GPR75: variants seen among roughly 807,000 people sequenced by gnomAD.
GPR75 encodes the protein probable G protein-coupled receptor 75.
Under a neutral mutation model 26.0 loss-of-function variants are expected in GPR75, and 27 were observed. The observed-to-expected ratio is 1.04, with a 90% CI of 0.77 to 1.43. GPR75 has a LOEUF of 1.43. GPR75 is among the 40% of genes most tolerant of loss of function. The pLI, the probability that GPR75 is intolerant of heterozygous loss-of-function variation, is 0.00. For synonymous variants in GPR75, 285 were observed against 256.3 expected (o/e 1.11, Z -1.07); for missense variants, 699 against 662.3 (o/e 1.06, Z -0.61).
At chr2:53,857,518 G>A (rs59562726) in intron 1 of GPR75, among the ~76,000 whole-genome samples, 57 of 152,146 alleles carry the variant, frequency 3.7e-4, no homozygotes, top group African/African-American at 1.3e-3. Flanking sequence ...AGGATGCTAA[G>A]ACAAATGAAA....
intron 1 of GPR75, among the ~76,000 whole-genome samples, chr2:53,856,389 A>C (rs1355025390): frequency 1.3e-5 from 2 of 152,224 alleles, no homozygotes; most frequent in African/African-American, 4.8e-5. Flanking sequence ...TTAATCTAGA[A>C]TTTTAGGAAC....
intron 1 of GPR75, among the ~76,000 whole-genome samples, chr2:53,856,453 G>T (rs1678228242): frequency 6.6e-6 from 1 of 152,234 alleles, no homozygotes; most frequent in Non-Finnish European, 1.5e-5. Context: ...TTAACCACCA[G>T]CTCAAGCTGG....
rs373681148 is a variant in GPR75, at chr2:53,853,917, C to T, written c.840G>A (p.Leu280=). 2.5e-6 allele frequency: 4 copies of T among 1,614,016 alleles called. No homozygotes were observed. Among genetic ancestry groups the T allele is most frequent in the Non-Finnish European group, 3.4e-6 (4 of 1,180,000 alleles). The part of the protein sequence containing the change: ...ALYRNQNYNK[L]QHVQTRGYTK... ...TATATCCACGGGTCTGAACGTGCTG[C>T]AGTTTGTTGTAATTCTGGTTCCTAT... The change falls in exon 2 of 2, where the codon CTG becomes CTA. Residue 280 remains leucine, a synonymous_variant. Coordinates refer to ENST00000394705, the MANE Select transcript of GPR75 (RefSeq NM_006794.4).
intron 1 of GPR75, among the ~76,000 whole-genome samples, chr2:53,855,067 T>C (rs966266036): frequency 1.3e-5 from 2 of 152,018 alleles, no homozygotes; most frequent in Non-Finnish European, 2.9e-5. Context: ...GCAGTCCTCC[T>C]GGCTTAGCTT....
chr2:53,854,507 G>C lies in GPR75; in HGVS notation c.250C>G (p.Leu84Val). 6.2e-7 allele frequency: 1 copy of C among 1,614,128 alleles called. No homozygotes were observed. The highest frequency in any genetic ancestry group is 8.5e-7 in the Non-Finnish European group (1 of 1,179,988). ...AAGAGGTCACAGAAGGACAGGTTCA[G>C]GATCATGAAATCAAAGTTGGTTCTG... ...KFRTNFDFMI[L>V]NLSFCDLFIC... The change falls in exon 2 of 2, where the codon CTG becomes GTG. Residue 84 changes from leucine (L) to valine (V), a missense_variant. Physicochemically the swap from Leu to Val is conservative, Grantham distance 32. Transcript: ENST00000394705.
chr2:53,853,139 C>A lies in GPR75; in HGVS notation c.1618G>T (p.Val540Phe). The change falls in exon 2 of 2, where the codon GTT becomes TTT. Residue 540 changes from valine to phenylalanine, a missense_variant. By Grantham distance (50) the Val-to-Phe change is conservative (BLOSUM62 -1). Transcript: ENST00000394705. ...ATCCTATAGCCTCCATGACTTTAAA[C>A]GGAGGGGACTGGAATCTGCTTGGCT... Reference protein sequence around the residue: ...TSAKQIPVPSV With the variant: ...TSAKQIPVPSF 1 of 1,610,206 alleles carries A rather than the reference C, an allele frequency of 6.2e-7. No homozygotes were observed. The highest frequency in any genetic ancestry group is 8.5e-7 in the Non-Finnish European group (1 of 1,176,988).
chr2:53,857,426 T>C (rs1351599648), intron 1 of GPR75, among the ~76,000 whole-genome samples: 4 of 151,978 alleles, frequency 2.6e-5, no homozygotes, highest in African/African-American at 9.7e-5. Flanking sequence ...GTTTCCTCTT[T>C]GGAGGTAGAG....
chr2:53,859,632 G>A (rs1573164671), intron 1 of GPR75, among the ~76,000 whole-genome samples, 196 bp downstream of exon 1: 1 of 149,690 alleles, frequency 6.7e-6, no homozygotes, highest in Non-Finnish European at 1.5e-5. Flanking sequence ...TGGGTGGGGG[G>A]GGTTCCACGG....
chr2:53,853,794 G>A lies in GPR75; in HGVS notation c.963C>T (p.Val321=), dbSNP rs763243776. 1.1e-5 allele frequency: 17 copies of A among 1,614,104 alleles called. No homozygotes were observed. Among genetic ancestry groups the A allele is most frequent in the African/African-American group, 1.3e-5 (1 of 74,936 alleles). ...LSTAKDSKAV[V]TCVIIVLSVL... is the part of the protein sequence containing the mutation. Reference sequence around the variant, plus strand: ...CTGACAGCACAATGATCACACAGGTGACCACGGCTTTGGAATCCTTGGCAG... The same window carrying A: ...CTGACAGCACAATGATCACACAGGTAACCACGGCTTTGGAATCCTTGGCAG... The change falls in exon 2 of 2, where the codon GTC becomes GTT. Residue 321 remains valine (V), a synonymous_variant. Transcript: ENST00000394705.
chr2:53,854,952 T>C (rs1342524471), intron 1 of GPR75, 87 bp from the exon 2 acceptor site: 1 of 580,606 alleles, frequency 1.7e-6, no homozygotes, highest in African/African-American at 1.9e-5. Flanking sequence ...TTATTAGTAG[T>C]AGTATTAGTA....
Position 53,854,469 on chromosome 2 carries a change from C to G in GPR75, c.288G>C (p.Val96=). The part of the protein sequence containing the change: ...LSFCDLFICG[V]TAPMFTFVLF... ...ACACAAAGGTGAACATGGGGGCTGT[C>G]ACTCCACAAATGAAGAGGTCACAGA... The change falls in exon 2 of 2, where the codon GTG becomes GTC. Residue 96 remains valine, a synonymous_variant. Transcript: ENST00000394705. 3 of 1,614,132 alleles carry G rather than the reference C, an allele frequency of 1.9e-6. No homozygotes were observed. The highest frequency in any genetic ancestry group is 2.5e-6 in the Non-Finnish European group (3 of 1,180,018).
Position 53,853,962 on chromosome 2 carries a change from C to G in GPR75, c.795G>C (p.Gln265His). 1.2e-6 allele frequency: 2 copies of G among 1,614,126 alleles called. No individual in the cohort carries two copies. Among genetic ancestry groups the G allele is most frequent in the Non-Finnish European group, 1.7e-6 (2 of 1,180,024 alleles). The change falls in exon 2 of 2, where the codon CAG (glutamine) becomes CAC (histidine). Residue 265 changes from glutamine (Q) to histidine (H), a missense_variant. Transcript: ENST00000394705. Reference protein sequence around the residue: ...VPVQGGGDPIQCAMPALYRNQ... With the variant: ...VPVQGGGDPIHCAMPALYRNQ... ...TCCTATACAGAGCCGGCATGGCACA[C>G]TGGATGGGATCTCCACCTCCCTGCA...
In GPR75 at chr2:53,853,522, T is replaced by C. The variant is rs761848756; in HGVS notation, c.1235A>G (p.Lys412Arg). ...KQKTRLRAMGKGNLEVNRNKS... is the reference protein window; with the variant it reads ...KQKTRLRAMGRGNLEVNRNKS... ...GTTTCTGTTGACTTCGAGGTTCCCTTTTCCCATGGCTCGAAGTCGAGTCTT... is the reference window on the plus strand; with the variant it reads ...GTTTCTGTTGACTTCGAGGTTCCCTCTTCCCATGGCTCGAAGTCGAGTCTT... The change falls in exon 2 of 2, where the codon AAA (lysine) becomes AGA (arginine). Residue 412 changes from lysine to arginine, a missense_variant. Lys to Arg is a conservative substitution (Grantham distance 26, BLOSUM62 2). Coordinates refer to ENST00000394705, the MANE Select transcript of GPR75 (RefSeq NM_006794.4). The C allele has an allele frequency of 6.2e-7, 1 of 1,614,194 alleles. No individual in the cohort carries two copies. Among genetic ancestry groups the C allele is most frequent in the Admixed American group, 1.7e-5 (1 of 60,024 alleles).
In GPR75 at chr2:53,853,727, C is replaced by A. The variant is rs1678150821; in HGVS notation, c.1030G>T (p.Val344Leu). 5 of 1,613,838 alleles carry A rather than the reference C, an allele frequency of 3.1e-6. No individual in the cohort carries two copies. The highest frequency in any genetic ancestry group is 1.7e-5 in the Admixed American group (1 of 59,998). Residue 344 changes from valine (V) to leucine (L), a missense_variant, in exon 2 of 2, where the codon GTG becomes TTG. By Grantham distance (32) the Val-to-Leu change is conservative. Transcript: ENST00000394705. ...AAGCTCCCATTGCTGGAGAGAACCA[C>A]CTGTACCAAGGAAATCCCCAGTGGA... is the stretch of plus-strand genomic sequence containing the variant. ...CLPLGISLVQ[V>L]VLSSNGSFIL...
In GPR75 at chr2:53,853,587, G is replaced by A. The variant is rs1447621445; in HGVS notation, c.1170C>T (p.Cys390=). ...SAGLRRKVLW[C]LQYIGLGFFC... ...AAAAACCCAGGCCTATGTATTGGAGGCACCAGAGCACTTTCCTTCTCAGCC... is the reference window on the plus strand; with the variant it reads ...AAAAACCCAGGCCTATGTATTGGAGACACCAGAGCACTTTCCTTCTCAGCC... Residue 390 remains cysteine, a synonymous_variant, in exon 2 of 2, where the codon TGC becomes TGT. Coordinates refer to ENST00000394705, the MANE Select transcript of GPR75 (RefSeq NM_006794.4). 6.2e-7 allele frequency: 1 copy of A among 1,613,656 alleles called. No individual in the cohort carries two copies. The highest frequency in any genetic ancestry group is 8.5e-7 in the Non-Finnish European group (1 of 1,179,704).
chr2:53,854,828 G>T lies in GPR75; in HGVS notation c.-72C>A. 8.3e-7 allele frequency: 1 copy of T among 1,201,890 alleles called. No homozygotes were observed. The highest frequency in any genetic ancestry group is 1.4e-5 in the South Asian group (1 of 71,032). 74.5% of individuals were successfully genotyped at this position (1,201,890 alleles called of 1,614,324 possible). On this transcript the variant is annotated 5_prime_UTR_variant, in exon 2 of 2. An upstream open reading frame in the 5' UTR gains an earlier in-frame stop. Coordinates refer to ENST00000394705, the MANE Select transcript of GPR75 (RefSeq NM_006794.4). Reference sequence around the variant, plus strand: ...TGAGTCAGGGCCTCAGCTCACAGATGAGCAATATGTGACAAAAGAGGCCCA... The same window carrying T: ...TGAGTCAGGGCCTCAGCTCACAGATTAGCAATATGTGACAAAAGAGGCCCA...
At position 53,859,419 on chromosome 2, in the gene GPR75, C is replaced by A. The variant is rs952478932; in HGVS notation, c.-110+409G>T. Among the ~76,000 whole-genome samples the A allele has an allele frequency of 2.6e-5, 4 of 152,200 alleles. No individual in the cohort carries two copies. The East Asian group carries it at 7.8e-4, about 30-fold the overall frequency. On this transcript the variant is annotated intron_variant, in intron 1 of 1. Transcript: ENST00000394705. ...TGGGAGGGATGAAGAGGCCAGGGAG[C>A]CCCCAGCCTGAGGACAGAGTGGGAA...
chr2:53,853,109 A>G lies in GPR75; in HGVS notation c.*25T>C. On this transcript the variant is annotated 3_prime_UTR_variant, in exon 2 of 2. Coordinates refer to ENST00000394705, the MANE Select transcript of GPR75 (RefSeq NM_006794.4). ...ACTATCAGAAACAAAAACTGTTTAC[A>G]TAAGATCCTATAGCCTCCATGACTT... The G allele has an allele frequency of 3.8e-6, 6 of 1,561,322 alleles. No individual in the cohort carries two copies. The highest frequency in any genetic ancestry group is 4.4e-6 in the Non-Finnish European group (5 of 1,141,588).
At chr2:53,858,402 GACAC>G (rs61090357) in intron 1 of GPR75, among the ~76,000 whole-genome samples, 12,828 of 145,046 alleles carry the variant, frequency 0.088, 596 homozygotes, top group East Asian at 0.11. Context: ...GATACAGATA[GACAC>G]ACACACACAC....
Sources: gnomAD v4.1 joint callset for allele counts (sites outside exome capture counted in the v4.1 genomes callset) on GRCh38, gnomAD v4.1.1 for gene constraint, MANE v1.5 for transcripts, NCBI Gene and HGNC (gene_info 2026-07-23, HGNC 2026-07-21) for gene names.